Variants in DMXL1 observed in about 807,000 individuals in gnomAD.
DMXL1 encodes dmX-like protein 1.
A neutral mutation model predicts 319.2 loss-of-function variants in DMXL1; 99 were observed. That is an observed-to-expected ratio of 0.31 (90% confidence interval 0.26 to 0.37). The LOEUF (loss-of-function observed/expected upper bound fraction) is 0.37. Among genes scored for constraint, DMXL1 ranks in the 10% least tolerant of loss-of-function variants. The probability of loss-of-function intolerance (pLI) is 1.00; values close to 1 mark genes in which losing one functional copy is unlikely to be tolerated. For missense variants in DMXL1, 3,745 were observed against 3,595.6 expected (o/e 1.04, Z -1.06); for synonymous variants, 1,385 against 1,235.2 (o/e 1.12, Z -2.54).
chr5:119,123,271 T>C (rs1043739269), intron 9 of DMXL1, among the ~76,000 whole-genome samples: 4 of 145,988 alleles, frequency 2.7e-5, no homozygotes, highest in African/African-American at 1.0e-4. Flanking sequence ...CAGCTTCGGC[T>C]CGGCATCAGA....
intron 1 of DMXL1, among the ~76,000 whole-genome samples, chr5:119,077,753 A>G (rs1427132974): frequency 4.0e-5 from 2 of 50,578 alleles, no homozygotes; most frequent in African/African-American, 2.8e-4. Context: ...TTTATTTTTT[A>G]AGTGTGTGTG....
rs916747282 is a variant in DMXL1, at chr5:119,083,278, G to T, written c.87+11622G>T. 4.6e-5 allele frequency among the ~76,000 whole-genome samples: 7 copies of T among 152,096 alleles called. 1 individual carries two copies. Among genetic ancestry groups the T allele is most frequent in the African/African-American group, 1.7e-4 (7 of 41,412 alleles). Reference sequence around the variant, plus strand: ...TGGCCTCAAGTGATCTGCCCACCTTGACTTCCCAAAGTGTAGTTCCATCCT... The same window carrying T: ...TGGCCTCAAGTGATCTGCCCACCTTTACTTCCCAAAGTGTAGTTCCATCCT... On this transcript the variant is annotated intron_variant, in intron 1 of 43. Coordinates refer to ENST00000539542, the MANE Select transcript of DMXL1 (RefSeq NM_001290321.3).
chr5:119,082,030 C>T (rs865842871), intron 1 of DMXL1, among the ~76,000 whole-genome samples: 9,620 of 139,262 alleles, frequency 0.069, 396 homozygotes, highest in East Asian at 0.16. Flanking sequence ...TACACACACA[C>T]ACACACACAC....
chr5:119,198,171 T>C (rs1272059988), intron 32 of DMXL1, among the ~76,000 whole-genome samples: 1 of 152,106 alleles, frequency 6.6e-6, no homozygotes, highest in Non-Finnish European at 1.5e-5. Flanking sequence ...GTATTTTTAG[T>C]AGAGATGGGG....
chr5:119,145,076 C>T (rs1402010869), intron 15 of DMXL1, among the ~76,000 whole-genome samples: 1 of 151,896 alleles, frequency 6.6e-6, no homozygotes, highest in Admixed American at 6.6e-5. Flanking sequence ...AAACTCCTCT[C>T]ATCAACACTT....
intron 10 of DMXL1, among the ~76,000 whole-genome samples, chr5:119,131,160 T>C (rs977284066): frequency 1.7e-4 from 26 of 152,020 alleles, no homozygotes; most frequent in African/African-American, 5.1e-4. Context: ...CTGAGTTTTT[T>C]TTTTTTTCTT....
chr5:119,125,087 C>T (rs1035508927), intron 9 of DMXL1, among the ~76,000 whole-genome samples: 14 of 152,090 alleles, frequency 9.2e-5, no homozygotes, highest in African/African-American at 3.4e-4. Context: ...CCGTTTAAAT[C>T]TGTTACTGTT....
Position 119,129,457 on chromosome 5 carries a change from T to C in DMXL1, c.1315+34T>C. 2.0e-6 allele frequency: 3 copies of C among 1,493,472 alleles called. No individual in the cohort carries two copies. In the South Asian group the frequency reaches 3.7e-5, roughly 18 times the overall value. 92.5% of individuals were successfully genotyped at this position (1,493,472 alleles called of 1,614,324 possible). A position where few individuals can be genotyped will look rare whatever the true frequency, so the allele number is the denominator to read the frequency against. ...TAAGAGGAAAGGAAAATTTAAAGTTTTGCTCAAAATAGCAAACATTTTCAT... is the reference window on the plus strand; with the variant it reads ...TAAGAGGAAAGGAAAATTTAAAGTTCTGCTCAAAATAGCAAACATTTTCAT... On this transcript the variant is annotated intron_variant, in intron 10 of 43. Transcript: ENST00000539542.
intron 38 of DMXL1, among the ~76,000 whole-genome samples, chr5:119,227,949 C>T (rs1785903473): frequency 6.6e-6 from 1 of 152,116 alleles, no homozygotes; most frequent in Non-Finnish European, 1.5e-5. Flanking sequence ...CGAAGGCATA[C>T]TTTGCCAAAT....
At chr5:119,223,256 C>T (rs1784955620) in intron 37 of DMXL1, among the ~76,000 whole-genome samples, 1 of 151,862 alleles carries the variant, frequency 6.6e-6, no homozygotes, top group South Asian at 2.1e-4. Context: ...GGGGTTTTGC[C>T]ATGTTGGCCA....
chr5:119,191,250 T>C (rs552234398), intron 29 of DMXL1, among the ~76,000 whole-genome samples: 38 of 152,354 alleles, frequency 2.5e-4, no homozygotes, highest in African/African-American at 8.7e-4. Flanking sequence ...CTTTCACTTT[T>C]TGTGTCATCA....
intron 5 of DMXL1, among the ~76,000 whole-genome samples, chr5:119,113,643 G>A (rs1760169104): frequency 6.6e-6 from 1 of 152,154 alleles, no homozygotes; most frequent in South Asian, 2.1e-4. Flanking sequence ...AGAAGGATTT[G>A]GAAGTTTATG....
rs1765419035 is a variant in DMXL1, at chr5:119,133,727, A to G, written c.1803A>G (p.Ser601=). ...SIFTPNVMMI[S]KHADGSLNQW... ...TTACGCCTAATGTTATGATGATATC[A>G]AAACATGCTGATGGTTCTCTGAATC... is the stretch of plus-strand genomic sequence containing the variant. The change falls in exon 12 of 44, where the codon TCA becomes TCG. Residue 601 remains serine (S), a synonymous_variant. Transcript: ENST00000539542. The G allele has an allele frequency of 1.2e-6, 2 of 1,614,088 alleles. No individual in the cohort carries two copies.
Position 119,244,468 on chromosome 5 carries a change from A to G in DMXL1, c.8814A>G (p.Gln2938=), listed in dbSNP as rs1325195375. ...KGFTYVFDLC[Q]RQQRQLFQSH... is the part of the protein sequence containing the mutation. ...TTACATATGTATTTGACCTTTGTCA[A>G]CGACAACAGAGGCAGCTTTTCCAGA... Residue 2938 remains glutamine, a synonymous_variant, in exon 43 of 44, where the codon CAA becomes CAG. Transcript: ENST00000539542. 2.5e-6 allele frequency: 4 copies of G among 1,614,158 alleles called. No individual in the cohort carries two copies. Among genetic ancestry groups the G allele is most frequent in the South Asian group, 1.1e-5 (1 of 91,086 alleles).
chr5:119,077,479 GTTTTTTTTTTTTTT>G (rs774672621), intron 1 of DMXL1, among the ~76,000 whole-genome samples: 3 of 70,174 alleles, frequency 4.3e-5, no homozygotes, highest in Non-Finnish European at 7.9e-5. Context: ...TTCATCTTAG[GTTTTTTTTTTTTTT>G]TTTTTTTTTT....
intron 4 of DMXL1, among the ~76,000 whole-genome samples, chr5:119,107,282 A>G (rs1354719087): frequency 6.6e-6 from 1 of 152,022 alleles, no homozygotes; most frequent in Non-Finnish European, 1.5e-5. Context: ...TTGAGGCTGC[A>G]GTGAGCCATG....
At chr5:119,180,668 A>AT (rs914082781) in intron 28 of DMXL1, among the ~76,000 whole-genome samples, 16 of 151,944 alleles carry the variant, frequency 1.1e-4, no homozygotes, top group African/African-American at 3.6e-4. Flanking sequence ...TTTTGTATAG[A>AT]TTTTTTTAAA....
At chr5:119,146,521 A>T (rs1398048173) in intron 15 of DMXL1, among the ~76,000 whole-genome samples, 1 of 152,010 alleles carries the variant, frequency 6.6e-6, no homozygotes, top group Non-Finnish European at 1.5e-5. Context: ...GTTGAAGTAC[A>T]TATTACATAG....
chr5:119,226,894 A>G (rs1225445817), intron 38 of DMXL1, among the ~76,000 whole-genome samples: 2 of 152,222 alleles, frequency 1.3e-5, no homozygotes, highest in Non-Finnish European at 2.9e-5. Context: ...TAAGACTCCT[A>G]AGCAGAGGAG....
Sources: allele counts gnomAD v4.1 joint callset (sites outside exome capture counted in the v4.1 genomes callset), GRCh38; gene constraint gnomAD v4.1.1; transcripts MANE v1.5; gene names NCBI Gene and HGNC (gene_info 2026-07-23, HGNC 2026-07-21).